The following ARL15 variants were observed in gnomAD, a reference collection of about 807,000 sequenced individuals.
The protein encoded by ARL15 is ADP-ribosylation factor-like protein 15.
Under a neutral mutation model 25.2 loss-of-function variants are expected in ARL15, and 19 were observed. The ratio of observed to expected loss-of-function variants is 0.75; its 90% CI spans 0.53 to 1.10. ARL15 has a LOEUF of 1.10. ARL15 is among the 50% of genes least tolerant of loss of function. The probability of loss-of-function intolerance (pLI) is 0.00; values close to 1 mark genes in which losing one functional copy is unlikely to be tolerated. For missense variants in ARL15, 220 were observed against 246.0 expected, an observed-to-expected ratio of 0.89 and a Z score of 0.71; for synonymous variants, 94 against 86.8, an observed-to-expected ratio of 1.08 and a Z score of -0.46.
intron 4 of ARL15, among the ~76,000 whole-genome samples, chr5:54,045,133 C>G (rs1750465295): frequency 6.6e-6 from 1 of 152,136 alleles, no homozygotes. Flanking sequence ...CTTACCTGTA[C>G]CAAACGTGGC....
intron 4 of ARL15, among the ~76,000 whole-genome samples, chr5:53,974,292 AT>A (rs1176881256): frequency 9.9e-5 from 15 of 152,210 alleles, no homozygotes; most frequent in Admixed American, 9.8e-4. Flanking sequence ...GGGAGTGTCA[AT>A]TAAGTCTCCT....
At chr5:53,987,976 G>A (rs775539654) in intron 4 of ARL15, among the ~76,000 whole-genome samples, 1 of 151,932 alleles carries the variant, frequency 6.6e-6, no homozygotes, top group South Asian at 2.1e-4. Context: ...GGTGGCGTGC[G>A]CCTGTAGTCC....
At chr5:54,096,158 G>A (rs901188522) in intron 4 of ARL15, among the ~76,000 whole-genome samples, 15 of 152,108 alleles carry the variant, frequency 9.9e-5, no homozygotes, top group African/African-American at 3.6e-4. Flanking sequence ...ACTTACCACT[G>A]TTCATGTTAG....
chr5:53,899,704 C>A (rs1478446559), intron 4 of ARL15, among the ~76,000 whole-genome samples: 3 of 152,084 alleles, frequency 2.0e-5, no homozygotes, highest in African/African-American at 7.2e-5. Context: ...TCTTATCTAG[C>A]ATGGTTATAC....
At chr5:54,102,844 T>C (rs1260512228) in intron 4 of ARL15, among the ~76,000 whole-genome samples, 1 of 152,222 alleles carries the variant, frequency 6.6e-6, no homozygotes, top group African/African-American at 2.4e-5. Flanking sequence ...AAATTCTACA[T>C]GCTAAAATTA....
chr5:54,068,451 T>C (rs924915800), intron 4 of ARL15, among the ~76,000 whole-genome samples: 3 of 152,162 alleles, frequency 2.0e-5, no homozygotes, highest in Admixed American at 2.0e-4. Flanking sequence ...CCAATCTAGG[T>C]GAACTTTTTG....
chr5:54,286,234 T>C (rs1758177302), intron 1 of ARL15: 1 of 152,134 alleles, frequency 6.6e-6, no homozygotes, highest in South Asian at 2.1e-4. Context: ...ATGATGATAA[T>C]CTACCCAAAG....
intron 4 of ARL15, among the ~76,000 whole-genome samples, chr5:53,888,312 A>G (rs1012050294): frequency 6.6e-6 from 1 of 151,700 alleles, no homozygotes; most frequent in African/African-American, 2.4e-5. Context: ...ATAGGGTCTC[A>G]ATCTGTCACC....
intron 1 of ARL15, among the ~76,000 whole-genome samples, chr5:54,309,097 A>G (rs1278395510): frequency 6.6e-6 from 1 of 152,240 alleles, no homozygotes. Context: ...GAATGTTCAT[A>G]ATCAGATAAT....
intron 4 of ARL15, among the ~76,000 whole-genome samples, chr5:54,016,765 T>C (rs919143919): frequency 6.6e-6 from 1 of 152,202 alleles, no homozygotes; most frequent in African/African-American, 2.4e-5. Context: ...CATGCTACAT[T>C]TTACATATAG....
intron 1 of ARL15, among the ~76,000 whole-genome samples, chr5:54,260,462 T>C (rs191336785): frequency 6.6e-6 from 1 of 152,300 alleles, no homozygotes; most frequent in African/African-American, 2.4e-5. Flanking sequence ...TCACTTTTGG[T>C]ACCTCAGGAA....
intron 1 of ARL15, among the ~76,000 whole-genome samples, chr5:54,212,319 C>G (rs1756065742): frequency 6.6e-6 from 1 of 152,048 alleles, no homozygotes; most frequent in Non-Finnish European, 1.5e-5. Context: ...CACATCAGCT[C>G]CAGATGTCAC....
At chr5:54,217,282 A>G (rs188245602) in intron 1 of ARL15, among the ~76,000 whole-genome samples, 1 of 152,098 alleles carries the variant, frequency 6.6e-6, no homozygotes, top group East Asian at 1.9e-4. Context: ...AAAATATCTT[A>G]AAATAAGAGA....
rs1186049855 is a variant in ARL15, at chr5:54,310,458, C to T, written c.22G>A (p.Glu8Lys). The T allele has an allele frequency of 1.9e-5, 30 of 1,609,456 alleles. No individual in the cohort carries two copies. Among genetic ancestry groups the T allele is most frequent in the Non-Finnish European group, 2.5e-5 (30 of 1,178,056 alleles). The change falls in exon 1 of 5, where the codon GAG (glutamate) becomes AAG (lysine). Residue 8 changes from glutamate to lysine, a missense_variant. Physicochemically the swap from Glu to Lys is moderately conservative, Grantham distance 56. Transcript: ENST00000504924. ...AGATAATCCATGTACAGAAACGCCT[C>T]AGTTATTCGGAGATCAGACATCCGG... The part of the protein sequence containing the change: MSDLRIT[E>K]AFLYMDYLCF...
At chr5:54,051,781 G>A (rs904050802) in intron 4 of ARL15, among the ~76,000 whole-genome samples, 4 of 152,088 alleles carry the variant, frequency 2.6e-5, no homozygotes, top group Admixed American at 6.6e-5. Context: ...CAACAATCAC[G>A]CTACTAGGTA....
chr5:54,301,782 G>A (rs1179974212), intron 1 of ARL15, among the ~76,000 whole-genome samples: 1 of 152,140 alleles, frequency 6.6e-6, no homozygotes, highest in East Asian at 1.9e-4. Flanking sequence ...CTCTCCTGTT[G>A]AAAAAAGAAC....
At chr5:54,046,563 TACAA>T (rs1750522385) in intron 4 of ARL15, among the ~76,000 whole-genome samples, 1 of 151,768 alleles carries the variant, frequency 6.6e-6, no homozygotes, top group Non-Finnish European at 1.5e-5. Flanking sequence ...TCATGCAAAA[TACAA>T]ACCAGTTTGA....
At chr5:54,292,040 G>A (rs1758349196) in intron 1 of ARL15, among the ~76,000 whole-genome samples, 1 of 152,136 alleles carries the variant, frequency 6.6e-6, no homozygotes, top group African/African-American at 2.4e-5. Context: ...GAACTACTTG[G>A]GGTTTTCTGT....
Position 53,884,941 on chromosome 5 carries a change from A to G in ARL15, c.*1620T>C, listed in dbSNP as rs1260952711. On this transcript the variant is annotated 3_prime_UTR_variant, in exon 5 of 5. Coordinates refer to ENST00000504924, the MANE Select transcript of ARL15 (RefSeq NM_019087.3). The stretch of plus-strand genomic sequence containing the variant: ...ATGCTGCAGACAAAATTGTATACGA[A>G]TCACTATGTATCCTTCCTGATTCAT... The G allele has an allele frequency of 1.3e-5, 2 of 152,592 alleles. No homozygotes were observed. The highest frequency in any genetic ancestry group is 6.5e-5 in the Admixed American group (1 of 15,282). The allele number at this position is 152,592 out of a possible 1,614,324, so 9.5% of individuals were successfully genotyped here. A position where few individuals can be genotyped will look rare whatever the true frequency, so the allele number is the denominator to read the frequency against.
Sources: gnomAD v4.1 joint callset for allele counts (sites outside exome capture counted in the v4.1 genomes callset) on GRCh38, gnomAD v4.1.1 for gene constraint, MANE v1.5 for transcripts, NCBI Gene and HGNC (gene_info 2026-07-23, HGNC 2026-07-21) for gene names.